The following DIP2C variants were observed in gnomAD, a reference collection of about 807,000 sequenced individuals.
DIP2C encodes the protein disco-interacting protein 2 homolog C.
In DIP2C, 33 loss-of-function variants were observed where a neutral mutation model predicts 192.4. The observed-to-expected ratio is 0.17, with a 90% CI of 0.13 to 0.23. DIP2C has a LOEUF of 0.23. DIP2C is among the 10% of genes least tolerant of loss of function. The pLI is 1.00. For synonymous variants in DIP2C, 979 were observed against 864.1 expected (o/e 1.13, Z -2.33); for missense variants, 1,537 against 2,110.1 (o/e 0.73, Z 5.32).
intron 1 of DIP2C, among the ~76,000 whole-genome samples, chr10:528,321 G>A (rs981349854): frequency 4.7e-5 from 7 of 150,420 alleles, no homozygotes; most frequent in African/African-American, 1.5e-4. Flanking sequence ...AATGCAGACC[G>A]CCCACAGCTC....
At chr10:386,534 T>C (rs1180610927) in intron 14 of DIP2C, among the ~76,000 whole-genome samples, 2 of 151,864 alleles carry the variant, frequency 1.3e-5, no homozygotes, top group South Asian at 2.1e-4. Context: ...CAGCACACAG[T>C]GGTGCTGGGA....
chr10:593,306 CCA>C (rs1333269685), intron 1 of DIP2C, among the ~76,000 whole-genome samples: 1 of 152,166 alleles, frequency 6.6e-6, no homozygotes, highest in Non-Finnish European at 1.5e-5. Context: ...ACACCCACGC[CCA>C]GTGTAACCCT....
intron 1 of DIP2C, among the ~76,000 whole-genome samples, chr10:524,298 G>A (rs1458758933): frequency 2.0e-5 from 3 of 152,174 alleles, no homozygotes; most frequent in Non-Finnish European, 2.9e-5. Flanking sequence ...CCTGGAACGC[G>A]GGAGGCACAC....
chr10:313,971 T>C (rs1956667634), intron 31 of DIP2C, among the ~76,000 whole-genome samples: 1 of 152,106 alleles, frequency 6.6e-6, no homozygotes, highest in Admixed American at 6.5e-5. Context: ...CTATAGTAAA[T>C]AGAAATGTGT....
At chr10:495,485 CCCT>C (rs1043168750) in intron 1 of DIP2C, among the ~76,000 whole-genome samples, 1 of 152,044 alleles carries the variant, frequency 6.6e-6, no homozygotes, top group Non-Finnish European at 1.5e-5. Context: ...GAAATCCTTC[CCCT>C]CCTCCTCCCT....
chr10:315,416 G>C (rs979627005), intron 31 of DIP2C, among the ~76,000 whole-genome samples: 1 of 152,082 alleles, frequency 6.6e-6, no homozygotes, highest in African/African-American at 2.4e-5. Context: ...CGTATTTGCT[G>C]AACGATTCTC....
At chr10:566,448 T>C (rs1346543238) in intron 1 of DIP2C, among the ~76,000 whole-genome samples, 1 of 152,166 alleles carries the variant, frequency 6.6e-6, no homozygotes, top group Admixed American at 6.5e-5. Flanking sequence ...TTGCCTTTCC[T>C]CTCGAGTAGC....
intron 31 of DIP2C, among the ~76,000 whole-genome samples, chr10:321,566 G>C (rs1957020012): frequency 7.8e-6 from 1 of 128,736 alleles, no homozygotes; most frequent in Non-Finnish European, 1.7e-5. Context: ...TGTTAGAACA[G>C]TCAGTCGGGG....
At chr10:550,165 A>C (rs1301002001) in intron 1 of DIP2C, among the ~76,000 whole-genome samples, 2 of 152,006 alleles carry the variant, frequency 1.3e-5, no homozygotes, top group African/African-American at 4.8e-5. Flanking sequence ...GCCTGTCACC[A>C]TGCCCAGCTA....
rs1314249108 is a variant in DIP2C at position 334,301 on chromosome 10, T to C, written c.3585-4700A>G. 1.3e-3 allele frequency among the ~76,000 whole-genome samples: 9 copies of C among 6,936 alleles called. No homozygotes were observed. In the East Asian group the frequency reaches 0.017, roughly 13 times the overall value. The allele number at this position is 6,936 out of a possible 152,430, so 4.6% of individuals were successfully genotyped here. A position where few individuals can be genotyped will look rare whatever the true frequency, so the allele number is the denominator to read the frequency against. On this transcript the variant is annotated intron_variant, in intron 29 of 36. Transcript: ENST00000280886. The stretch of plus-strand genomic sequence containing the variant: ...CAGCCCGGGTGACAGAGCAAGACTG[T>C]CTCAAAAAAAAAAAAAAAAAAAAAG...
At chr10:375,846 TAAGC>T (rs1015169175) in intron 17 of DIP2C, among the ~76,000 whole-genome samples, 3 of 144,304 alleles carry the variant, frequency 2.1e-5, no homozygotes, top group African/African-American at 7.8e-5. Flanking sequence ...CTGAATCCCT[TAAGC>T]AAGTGAGTCA....
chr10:357,284 A>G lies in DIP2C; in HGVS notation c.2904+544T>C, dbSNP rs566857832. ...AGTTTCTCCCACGGCTTCTAACGCCACTGTTAGGAGGCCTGGCCCCCTAAC... is the reference window on the plus strand; with the variant it reads ...AGTTTCTCCCACGGCTTCTAACGCCGCTGTTAGGAGGCCTGGCCCCCTAAC... On this transcript the variant is annotated intron_variant, in intron 23 of 36. Transcript: ENST00000280886. Among the ~76,000 whole-genome samples the G allele has an allele frequency of 5.3e-5, 8 of 152,312 alleles. No homozygotes were observed. In the East Asian group the frequency reaches 1.5e-3, roughly 29 times the overall value.
At chr10:561,356 G>A (rs1849206889) in intron 1 of DIP2C, among the ~76,000 whole-genome samples, 2 of 152,196 alleles carry the variant, frequency 1.3e-5, no homozygotes, top group Admixed American at 1.3e-4. Flanking sequence ...AGTCTCTGCA[G>A]ACTGAGAGCC....
chr10:451,174 T>G (rs998653765), intron 3 of DIP2C, among the ~76,000 whole-genome samples: 2 of 152,198 alleles, frequency 1.3e-5, no homozygotes, highest in Non-Finnish European at 2.9e-5. Flanking sequence ...TACGTACACC[T>G]GGTATAGAAA....
intron 1 of DIP2C, among the ~76,000 whole-genome samples, chr10:625,245 C>A (rs1428061482): frequency 6.6e-6 from 1 of 152,190 alleles, no homozygotes; most frequent in Non-Finnish European, 1.5e-5. Flanking sequence ...GCGCAGCCCT[C>A]CTCCCCCGCC....
rs1454716612 is a variant in DIP2C, at chr10:652,028, CCT to C, written c.85+37464_85+37465del. ...CATGGCAGGAACACTGTATTTTCTC[CCT>C]GAGTTTGGTTGAAAAAATTCACATA... On this transcript the variant is annotated intron_variant, in intron 1 of 36. Transcript: ENST00000280886. The surrounding 1 kb of genome is among the most constrained non-coding windows in gnomAD (Gnocchi z 4.5). 1 of 159,368 alleles carries C rather than the reference CCT, an allele frequency of 6.3e-6. No individual in the cohort carries two copies. Among genetic ancestry groups the C allele is most frequent in the East Asian group, 1.9e-4 (1 of 5,254 alleles). The allele number at this position is 159,368 out of a possible 1,614,324, so 9.9% of individuals were successfully genotyped here.
chr10:606,475 C>G (rs1195217444), intron 1 of DIP2C, among the ~76,000 whole-genome samples: 1 of 151,606 alleles, frequency 6.6e-6, no homozygotes, highest in African/African-American at 2.4e-5. Flanking sequence ...TAATTACCTG[C>G]TGTGATCTGA....
At position 310,873 on chromosome 10, in the gene DIP2C, T is replaced by G. The variant is rs918806248; in HGVS notation, c.3925-781A>C. 2.0e-5 allele frequency among the ~76,000 whole-genome samples: 3 copies of G among 152,038 alleles called. No individual in the cohort carries two copies. The East Asian group carries it at 5.8e-4, about 29-fold the overall frequency. On this transcript the variant is annotated intron_variant, in intron 31 of 36. Coordinates refer to ENST00000280886, the MANE Select transcript of DIP2C (RefSeq NM_014974.3). The stretch of plus-strand genomic sequence containing the variant: ...TTTTTGGGGAAGGCAGTACAATACC[T>G]TGGTTGGAAAAAGACTAAACCTACA...
intron 32 of DIP2C, among the ~76,000 whole-genome samples, 185 bp from the exon 33 acceptor site, chr10:288,606 G>C (rs2132182138): frequency 6.6e-6 from 1 of 152,290 alleles, no homozygotes; most frequent in Middle Eastern, 3.4e-3. Flanking sequence ...CCGAAGCGAG[G>C]GCCACAGAGA....
Sources: gnomAD v4.1 joint callset for allele counts (sites outside exome capture counted in the v4.1 genomes callset) on GRCh38, gnomAD v4.1.1 for gene constraint, Gnocchi (gnomAD v3.1) non-coding constraint, MANE v1.5 for transcripts, NCBI Gene and HGNC (gene_info 2026-07-23, HGNC 2026-07-21) for gene names.